Variants in LINGO2 observed in about 807,000 individuals in gnomAD.
LINGO2 encodes leucine rich repeat and Ig domain containing 2.
A neutral mutation model predicts 30.6 loss-of-function variants in LINGO2; 14 were observed. That is an observed-to-expected ratio of 0.46 (90% confidence interval 0.30 to 0.72). The LOEUF (loss-of-function observed/expected upper bound fraction) is 0.72, where lower values mean the gene tolerates loss of function less well. Among genes scored for constraint, LINGO2 ranks in the 30% least tolerant of loss-of-function variants. The pLI is 0.07. For synonymous variants in LINGO2, 317 were observed against 288.5 expected (o/e 1.10, Z -1.00); for missense variants, 729 against 751.7 (o/e 0.97, Z 0.35).
chr9:28,705,804 C>G, the LINGO2 span, among the ~76,000 whole-genome samples: 18 of 152,122 alleles, frequency 1.2e-4, no homozygotes, highest in African/African-American at 4.3e-4. Flanking sequence ...TTAACTAATT[C>G]CAGTGGAGCA....
the LINGO2 span, among the ~76,000 whole-genome samples, chr9:28,805,194 A>C: frequency 1.3e-5 from 2 of 152,204 alleles, no homozygotes; most frequent in Admixed American, 6.5e-5. Flanking sequence ...TTTCCTTGAC[A>C]CATTAGAAAC....
chr9:27,990,078 T>C (rs113002623), intron 5 of LINGO2, among the ~76,000 whole-genome samples: 17 of 152,178 alleles, frequency 1.1e-4, no homozygotes, highest in South Asian at 2.1e-4. Context: ...ATTGTTAGTA[T>C]TAAAATCACT....
intron 4 of LINGO2, among the ~76,000 whole-genome samples, chr9:28,246,279 C>T (rs572246758): frequency 1.3e-5 from 2 of 152,060 alleles, no homozygotes; most frequent in East Asian, 3.9e-4. Flanking sequence ...CCAAAATTAG[C>T]CGGGCATGGT....
the LINGO2 span, among the ~76,000 whole-genome samples, chr9:28,960,640 ATAT>A: frequency 2.1e-5 from 1 of 48,390 alleles, no homozygotes; most frequent in African/African-American, 5.1e-5. Flanking sequence ...AAGTATTCTG[ATAT>A]TATTTAATTT....
chr9:28,200,941 C>T (rs1045859383), intron 4 of LINGO2, among the ~76,000 whole-genome samples: 7 of 150,862 alleles, frequency 4.6e-5, no homozygotes, highest in East Asian at 3.9e-4. Context: ...AATAAATCAC[C>T]GTACAAGACT....
At chr9:28,554,172 C>T (rs867894266) in intron 1 of LINGO2, among the ~76,000 whole-genome samples, 1 of 151,598 alleles carries the variant, frequency 6.6e-6, no homozygotes, top group Non-Finnish European at 1.5e-5. Context: ...CGTAAATGGA[C>T]TAAATGCTCC....
chr9:27,949,588 G>A, exon 6 of LINGO2: 2 of 1,614,030 alleles, frequency 1.2e-6, no homozygotes, highest in South Asian at 1.1e-5. Flanking sequence ...CAGAGAAGGC[G>A]GCAGTCACAG....
intron 4 of LINGO2, among the ~76,000 whole-genome samples, chr9:28,256,575 A>G (rs750447209): frequency 6.6e-6 from 1 of 152,006 alleles, no homozygotes; most frequent in African/African-American, 2.4e-5. Flanking sequence ...ATAATGTGGT[A>G]AGAATGATGA....
the LINGO2 span, among the ~76,000 whole-genome samples, chr9:28,835,627 A>C: frequency 6.6e-6 from 1 of 152,200 alleles, no homozygotes; most frequent in Non-Finnish European, 1.5e-5. Flanking sequence ...ATTTCTATGG[A>C]AATGGGGTTG....
At chr9:28,921,179 G>A in the LINGO2 span, among the ~76,000 whole-genome samples, 1 of 152,126 alleles carries the variant, frequency 6.6e-6, no homozygotes, top group Non-Finnish European at 1.5e-5. Flanking sequence ...AAATGAAAAT[G>A]TTAATCTTTT....
chr9:28,198,253 A>C (rs1170531779), intron 4 of LINGO2, among the ~76,000 whole-genome samples: 2 of 152,040 alleles, frequency 1.3e-5, no homozygotes, highest in East Asian at 3.9e-4. Context: ...AAATATGAAA[A>C]AAAAAAACAA....
At chr9:28,762,655 T>A in the LINGO2 span, among the ~76,000 whole-genome samples, 1 of 152,014 alleles carries the variant, frequency 6.6e-6, no homozygotes, top group Admixed American at 6.6e-5. Context: ...TCATTGAACA[T>A]CTCTTGATCT....
At chr9:28,923,156 G>A in the LINGO2 span, among the ~76,000 whole-genome samples, 12 of 152,078 alleles carry the variant, frequency 7.9e-5, no homozygotes, top group Non-Finnish European at 1.2e-4. Flanking sequence ...CTTTCAGCCC[G>A]GGAAAACTGA....
At chr9:28,467,841 C>G (rs2135154184) in intron 2 of LINGO2, among the ~76,000 whole-genome samples, 1 of 152,140 alleles carries the variant, frequency 6.6e-6, no homozygotes, top group Middle Eastern at 3.4e-3. Flanking sequence ...ACTGTGTCAA[C>G]ATGAATAACT....
chr9:28,075,206 G>A (rs1825589244), intron 4 of LINGO2, among the ~76,000 whole-genome samples: 1 of 151,874 alleles, frequency 6.6e-6, no homozygotes, highest in Non-Finnish European at 1.5e-5. Flanking sequence ...TCTGTATAAG[G>A]AGTATCAAAG....
the LINGO2 span, among the ~76,000 whole-genome samples, chr9:29,061,034 T>G: frequency 1.3e-5 from 2 of 151,892 alleles, no homozygotes; most frequent in African/African-American, 4.8e-5. Context: ...GCTGATGAAG[T>G]CTGGCAGACT....
chr9:28,468,090 A>G (rs930708950), intron 2 of LINGO2, among the ~76,000 whole-genome samples: 2 of 152,216 alleles, frequency 1.3e-5, no homozygotes, highest in Non-Finnish European at 2.9e-5. Context: ...ATAAACTTAT[A>G]GACTGATTTA....
chr9:28,950,863 C>T, the LINGO2 span, among the ~76,000 whole-genome samples: 18,054 of 152,074 alleles, frequency 0.12, 1,068 homozygotes, highest in South Asian at 0.15. Context: ...CATCAAGCTA[C>T]GACTGACTTT....
chr9:28,623,320 T>A (rs1315180750), intron 1 of LINGO2, among the ~76,000 whole-genome samples: 9 of 152,158 alleles, frequency 5.9e-5, no homozygotes, highest in African/African-American at 1.7e-4. Context: ...CTTTCATGAT[T>A]TGAGAACTAA....
Sources: gnomAD v4.1 joint callset for allele counts (sites outside exome capture counted in the v4.1 genomes callset) on GRCh38, gnomAD v4.1.1 for gene constraint, MANE v1.5 for transcripts, NCBI Gene and HGNC (gene_info 2026-07-23, HGNC 2026-07-21) for gene names.